The following GPC5 variants were observed in gnomAD, a reference collection of about 807,000 sequenced individuals.
GPC5 encodes glypican-5.
In GPC5, 47 loss-of-function variants were observed where a neutral mutation model predicts 53.9. The observed-to-expected ratio is 0.87, with a 90% CI of 0.69 to 1.11. The LOEUF (loss-of-function observed/expected upper bound fraction) is 1.11. GPC5 is among the 50% of genes most tolerant of loss of function. The pLI, the probability that GPC5 is intolerant of heterozygous loss-of-function variation, is 0.00. For missense variants in GPC5, 748 were observed against 713.1 expected (o/e 1.05, Z -0.56); for synonymous variants, 286 against 263.3 (o/e 1.09, Z -0.84).
intron 1 of GPC5, among the ~76,000 whole-genome samples, chr13:91,401,445 C>A (rs189494123): frequency 1.3e-5 from 2 of 152,190 alleles, no homozygotes; most frequent in Admixed American, 6.5e-5. Context: ...CTAAGATTAT[C>A]CTCAATCTCA....
At chr13:92,396,251 A>C (rs1875264116) in intron 7 of GPC5, among the ~76,000 whole-genome samples, 1 of 152,050 alleles carries the variant, frequency 6.6e-6, no homozygotes, top group African/African-American at 2.4e-5. Flanking sequence ...ATTTACATTC[A>C]ATCTGCTTGT....
chr13:92,274,822 T>C (rs1176564392), intron 7 of GPC5, among the ~76,000 whole-genome samples: 1 of 152,160 alleles, frequency 6.6e-6, no homozygotes, highest in Non-Finnish European at 1.5e-5. Flanking sequence ...TCATGCATTC[T>C]GTTGATTAGA....
chr13:91,631,625 G>T (rs1051380297), intron 2 of GPC5, among the ~76,000 whole-genome samples: 11 of 152,010 alleles, frequency 7.2e-5, no homozygotes, highest in African/African-American at 2.7e-4. Context: ...GGTAGGCAAC[G>T]CTCAAAGGGA....
At chr13:91,723,809 C>A (rs1243759799) in intron 3 of GPC5, among the ~76,000 whole-genome samples, 1 of 152,136 alleles carries the variant, frequency 6.6e-6, no homozygotes, top group Non-Finnish European at 1.5e-5. Context: ...TTCCCTTGCC[C>A]ATTAGTTATT....
At chr13:92,038,736 A>C (rs1231127787) in intron 6 of GPC5, among the ~76,000 whole-genome samples, 2 of 151,938 alleles carry the variant, frequency 1.3e-5, no homozygotes, top group Non-Finnish European at 2.9e-5. Context: ...TATATTTGAC[A>C]TGTCTTTGGC....
intron 7 of GPC5, among the ~76,000 whole-genome samples, chr13:92,174,538 G>GAAAAAA (rs545251875): frequency 1.8e-5 from 2 of 113,494 alleles, no homozygotes; most frequent in African/African-American, 3.3e-5. Context: ...CCAACTCAAA[G>GAAAAAA]AAAAAAAAAA....
At chr13:92,308,324 CTTA>C (rs1373968946) in intron 7 of GPC5, among the ~76,000 whole-genome samples, 1 of 152,102 alleles carries the variant, frequency 6.6e-6, no homozygotes, top group Non-Finnish European at 1.5e-5. Flanking sequence ...AAATACTACT[CTTA>C]TTATAATCAA....
At chr13:92,669,616 C>T (rs1279849038) in intron 7 of GPC5, among the ~76,000 whole-genome samples, 1 of 152,100 alleles carries the variant, frequency 6.6e-6, no homozygotes, top group Non-Finnish European at 1.5e-5. Context: ...ACCGAATTGT[C>T]CCCAGGTCCC....
At chr13:91,649,628 G>T (rs1425032498) in intron 2 of GPC5, among the ~76,000 whole-genome samples, 1 of 152,180 alleles carries the variant, frequency 6.6e-6, no homozygotes. Context: ...CCAGTGTGTT[G>T]TTCCGTCCAC....
intron 2 of GPC5, among the ~76,000 whole-genome samples, chr13:91,629,860 A>C (rs775124324): frequency 6.6e-6 from 1 of 152,288 alleles, no homozygotes; most frequent in South Asian, 2.1e-4. Context: ...TATGTATTCA[A>C]GAAAATCCTG....
intron 2 of GPC5, among the ~76,000 whole-genome samples, chr13:91,617,939 C>T (rs1183077511): frequency 6.6e-6 from 1 of 152,076 alleles, no homozygotes; most frequent in East Asian, 1.9e-4. Context: ...ACTTTATTTA[C>T]ACACTGACAT....
intron 5 of GPC5, among the ~76,000 whole-genome samples, chr13:91,825,075 CATT>C: frequency 6.8e-6 from 1 of 148,116 alleles, no homozygotes; most frequent in East Asian, 2.0e-4. Context: ...ATGATGCTAA[CATT>C]TAGAGATTTA....
chr13:91,498,239 A>ATTTTTT (rs60732957), intron 2 of GPC5, among the ~76,000 whole-genome samples: 11 of 110,244 alleles, frequency 1.0e-4, no homozygotes, highest in Non-Finnish European at 1.6e-4. Flanking sequence ...CTACCCAAAG[A>ATTTTTT]TTTTTTTTTT....
intron 2 of GPC5, among the ~76,000 whole-genome samples, chr13:91,671,388 G>T (rs375969399): frequency 2.0e-5 from 3 of 152,160 alleles, no homozygotes; most frequent in East Asian, 3.9e-4. Context: ...CCTATTGTTG[G>T]TGTAAAGGAA....
intron 6 of GPC5, among the ~76,000 whole-genome samples, chr13:92,059,353 C>T (rs1166460069): frequency 6.6e-6 from 1 of 152,014 alleles, no homozygotes; most frequent in Non-Finnish European, 1.5e-5. Flanking sequence ...ATCATCAGTG[C>T]TGTTAGCACT....
At chr13:91,718,074 C>G (rs918047358) in intron 3 of GPC5, among the ~76,000 whole-genome samples, 1 of 152,102 alleles carries the variant, frequency 6.6e-6, no homozygotes, top group African/African-American at 2.4e-5. Context: ...AGAGATATTA[C>G]TTAGCCTCCC....
At chr13:92,204,886 T>G (rs2042322012) in intron 7 of GPC5, among the ~76,000 whole-genome samples, 1 of 152,096 alleles carries the variant, frequency 6.6e-6, no homozygotes, top group South Asian at 2.1e-4. Context: ...TTGTTTGTTG[T>G]TTGTTTGTTT....
chr13:92,635,597 C>A (rs1312635460), intron 7 of GPC5, among the ~76,000 whole-genome samples: 1 of 152,160 alleles, frequency 6.6e-6, no homozygotes, highest in East Asian at 1.9e-4. Context: ...TCCTAAAGGT[C>A]CCACTTCTCA....
chr13:91,743,069 T>G (rs1409525969), intron 4 of GPC5, among the ~76,000 whole-genome samples: 1 of 152,108 alleles, frequency 6.6e-6, no homozygotes, highest in Non-Finnish European at 1.5e-5. Context: ...TGAAAACATC[T>G]TTTCCACCAA....
Sources: gnomAD v4.1 joint callset for allele counts (sites outside exome capture counted in the v4.1 genomes callset) on GRCh38, gnomAD v4.1.1 for gene constraint, MANE v1.5 for transcripts, NCBI Gene and HGNC (gene_info 2026-07-23, HGNC 2026-07-21) for gene names.